The following NALF1 variants were observed in gnomAD, a reference collection of about 807,000 sequenced individuals.
The protein encoded by NALF1 is NALCN channel auxiliary factor 1, also known as family with sequence similarity 155 member A.
A neutral mutation model predicts 48.4 loss-of-function variants in NALF1; 3 were observed. The ratio of observed to expected loss-of-function variants is 0.06; its 90% confidence interval spans 0.03 to 0.16. The LOEUF is 0.16. NALF1 is among the 10% of genes least tolerant of loss of function. NALF1 has a pLI of 1.00. For missense variants in NALF1, 526 were observed against 571.5 expected, an observed-to-expected ratio of 0.92 and a Z score of 0.81; for synonymous variants, 262 against 245.7, an observed-to-expected ratio of 1.07 and a Z score of -0.62.
In NALF1 at chr13:107,650,914, G is replaced by A. The variant is rs147077705; in HGVS notation, c.915+214768C>T. ...AGAGAAGGAAATAAGAGACACTGGC[G>A]TCTACTTGACGGGGGAGGGTGGGAG... is the stretch of plus-strand genomic sequence containing the variant. On this transcript the variant is annotated intron_variant, in intron 1 of 2. Transcript: ENST00000375915. Among the ~76,000 whole-genome samples, 596 of 151,560 alleles carry A rather than the reference G, an allele frequency of 3.9e-3. 6 individuals are homozygous for A. Among genetic ancestry groups the A allele is most frequent in the African/African-American group, 0.013 (553 of 41,320 alleles).
intron 1 of NALF1, among the ~76,000 whole-genome samples, chr13:107,356,532 A>G (rs912993084): frequency 5.9e-5 from 9 of 152,226 alleles, no homozygotes; most frequent in Non-Finnish European, 7.3e-5. Context: ...AAGACATTCT[A>G]TCTATACGAT....
At position 107,482,882 on chromosome 13, in the gene NALF1, C is replaced by T. The variant is rs114664594; in HGVS notation, c.916-272127G>A. Among the ~76,000 whole-genome samples, 1,238 of 152,284 alleles carry T rather than the reference C, an allele frequency of 8.1e-3. 21 individuals carry two copies. Among genetic ancestry groups the T allele is most frequent in the African/African-American group, 0.028 (1,182 of 41,566 alleles). On this transcript the variant is annotated intron_variant, in intron 1 of 2. Coordinates refer to ENST00000375915, the MANE Select transcript of NALF1 (RefSeq NM_001080396.3). ...ATATGTAAATCACAAGCTACTTCTT[C>T]CCCTTCTCAATTAACACTCTGTCAT...
At chr13:107,609,391 G>C (rs1194415449) in intron 1 of NALF1, among the ~76,000 whole-genome samples, 1 of 152,192 alleles carries the variant, frequency 6.6e-6, no homozygotes, top group Non-Finnish European at 1.5e-5. Context: ...GATCTCAAAT[G>C]CTAGAAGCCA....
At chr13:107,243,135 GC>G (rs1880509851) in intron 1 of NALF1, among the ~76,000 whole-genome samples, 1 of 152,198 alleles carries the variant, frequency 6.6e-6, no homozygotes, top group South Asian at 2.1e-4. Flanking sequence ...CCCCTGTCAG[GC>G]CTCGTCCTGA....
chr13:107,745,914 A>G (rs1187815477), intron 1 of NALF1, among the ~76,000 whole-genome samples: 1 of 152,176 alleles, frequency 6.6e-6, no homozygotes, highest in East Asian at 1.9e-4. Flanking sequence ...ATTTGTGACA[A>G]TATGTCTGGG....
At chr13:107,208,998 A>G (rs17365230) in intron 2 of NALF1, among the ~76,000 whole-genome samples, 2,461 of 152,290 alleles carry the variant, frequency 0.016, 33 homozygotes, top group South Asian at 0.034. Context: ...TCTCGTGTGC[A>G]ACGGCTATGG....
At chr13:107,837,713 G>A (rs184780492) in intron 1 of NALF1, among the ~76,000 whole-genome samples, 2 of 152,194 alleles carry the variant, frequency 1.3e-5, no homozygotes, top group East Asian at 3.9e-4. Flanking sequence ...CGTGACATCT[G>A]CTTTCTCTCC....
At chr13:107,540,397 C>T (rs1300146716) in intron 1 of NALF1, among the ~76,000 whole-genome samples, 2 of 152,040 alleles carry the variant, frequency 1.3e-5, no homozygotes, top group Admixed American at 6.6e-5. Flanking sequence ...TATACTTATA[C>T]TACATAAACA....
intron 1 of NALF1, among the ~76,000 whole-genome samples, chr13:107,395,015 T>C (rs752369544): frequency 3.3e-5 from 5 of 152,192 alleles, no homozygotes; most frequent in Non-Finnish European, 5.9e-5. Flanking sequence ...CTTCACATTA[T>C]GTGCTAGATG....
intron 1 of NALF1, chr13:107,835,513 G>C (rs1017410917): frequency 1.3e-5 from 2 of 152,176 alleles, no homozygotes; most frequent in African/African-American, 2.4e-5. Context: ...CTGAGAATGA[G>C]GAAGTGAGGG....
intron 1 of NALF1, among the ~76,000 whole-genome samples, chr13:107,840,295 T>C (rs1880008719): frequency 6.6e-6 from 1 of 152,180 alleles, no homozygotes; most frequent in African/African-American, 2.4e-5. Context: ...GTTAGCTACA[T>C]ATAACAACAA....
chr13:107,300,013 A>T (rs1338942363), intron 1 of NALF1, among the ~76,000 whole-genome samples: 2 of 152,116 alleles, frequency 1.3e-5, no homozygotes, highest in Non-Finnish European at 2.9e-5. Context: ...GAAAGAAGGT[A>T]TTGTTTCCTA....
At chr13:107,645,708 CCT>C (rs1880298771) in intron 1 of NALF1, among the ~76,000 whole-genome samples, 1 of 147,706 alleles carries the variant, frequency 6.8e-6, no homozygotes, top group African/African-American at 2.5e-5. Context: ...AAAAAAAATC[CCT>C]GTTTTACTCT....
At chr13:107,695,691 C>G (rs1340991326) in intron 1 of NALF1, among the ~76,000 whole-genome samples, 1 of 152,108 alleles carries the variant, frequency 6.6e-6, no homozygotes, top group Non-Finnish European at 1.5e-5. Flanking sequence ...GATGAGAACT[C>G]TCTCTATTAT....
rs368682692 is a variant in NALF1, at chr13:107,210,248, C to T, written c.1087+336G>A. 6.3e-4 allele frequency among the ~76,000 whole-genome samples: 96 copies of T among 152,304 alleles called. 4 individuals are homozygous for T. The South Asian group carries it at 0.019, about 31-fold the overall frequency. ...CACTGGCCTTAGCACATCTCCTGTT[C>T]TTATGGAATTCAAAGGCAATGCAGG... On this transcript the variant is annotated intron_variant, in intron 2 of 2. Coordinates refer to ENST00000375915, the MANE Select transcript of NALF1 (RefSeq NM_001080396.3).
At chr13:107,371,458 A>AAAAATAAAAT (rs1566498269) in intron 1 of NALF1, among the ~76,000 whole-genome samples, 1 of 150,458 alleles carries the variant, frequency 6.6e-6, no homozygotes, top group Non-Finnish European at 1.5e-5. Context: ...AAATAAAAAT[A>AAAAATAAAAT]AAATAAATAA....
chr13:107,301,540 G>A (rs1881837015), intron 1 of NALF1, among the ~76,000 whole-genome samples: 1 of 151,964 alleles, frequency 6.6e-6, no homozygotes, highest in African/African-American at 2.4e-5. Context: ...ATGTAAACTT[G>A]AAAGGAATTA....
At chr13:107,178,536 T>A (rs1878987866) in intron 2 of NALF1, among the ~76,000 whole-genome samples, 1 of 152,150 alleles carries the variant, frequency 6.6e-6, no homozygotes, top group Non-Finnish European at 1.5e-5. Context: ...ATGGCTTTTA[T>A]CCAAAACACA....
At chr13:107,749,349 C>A (rs1024393280) in intron 1 of NALF1, among the ~76,000 whole-genome samples, 6 of 151,764 alleles carry the variant, frequency 4.0e-5, no homozygotes, top group Non-Finnish European at 5.9e-5. Context: ...TGAAGAGAAC[C>A]GTCACTGTCT....
Sources: allele counts gnomAD v4.1 joint callset (sites outside exome capture counted in the v4.1 genomes callset), GRCh38; gene constraint gnomAD v4.1.1; transcripts MANE v1.5; gene names NCBI Gene and HGNC (gene_info 2026-07-23, HGNC 2026-07-21).